Variants in TFIP11 observed in about 807,000 individuals in gnomAD.
The protein encoded by TFIP11 is tuftelin-interacting protein 11.
TFIP11 carries 86 observed loss-of-function variants against 96.8 expected under a neutral mutation model. The observed-to-expected ratio is 0.89, with a 90% CI of 0.75 to 1.06. The LOEUF is 1.06. Ranked by LOEUF, TFIP11 falls within the 50% of genes least tolerant of loss-of-function variation. The probability of loss-of-function intolerance (pLI) is 0.00; values close to 1 mark genes in which losing one functional copy is unlikely to be tolerated. For synonymous variants in TFIP11, 405 were observed against 395.2 expected (o/e 1.02, Z -0.29); for missense variants, 881 against 1,076.7 (o/e 0.82, Z 2.54).
rs528203336 is a variant in TFIP11, at chr22:26,506,936, C to A, written c.210-8G>T. 6.2e-7 allele frequency: 1 copy of A among 1,612,838 alleles called. No homozygotes were observed. Among genetic ancestry groups the A allele is most frequent in the Admixed American group, 1.7e-5 (1 of 59,784 alleles). The stretch of plus-strand genomic sequence containing the variant: ...GCAGAGTAGTCACGGGCCCTGTAGG[C>A]ACAGAAACAAAGCCCCACCAGGTCG... On this transcript the variant is annotated splice_region_variant and splice_polypyrimidine_tract_variant and intron_variant, in intron 4 of 14. Coordinates refer to ENST00000407690, the MANE Select transcript of TFIP11 (RefSeq NM_012143.4).
Position 26,494,211 on chromosome 22 carries a change from C to T in TFIP11, c.2086G>A (p.Ala696Thr), listed in dbSNP as rs1363504775. The T allele has an allele frequency of 1.2e-6, 2 of 1,614,192 alleles. No individual in the cohort carries two copies. Among genetic ancestry groups the T allele is most frequent in the Non-Finnish European group, 1.7e-6 (2 of 1,180,026 alleles). ...AATTTGTCCTTGACAGATGGATGTG[C>T]CAGCACTTGGTCTGAGAACATCGAC... is the stretch of plus-strand genomic sequence containing the variant. The part of the protein sequence containing the change: ...WKSMFSDQVL[A>T]HPSVKDKFNE... Residue 696 changes from alanine to threonine, a missense_variant, in exon 14 of 15, where the codon GCA becomes ACA. By Grantham distance (58) the Ala-to-Thr change is moderately conservative. Coordinates refer to ENST00000407690, the MANE Select transcript of TFIP11 (RefSeq NM_012143.4).
chr22:26,501,815 TAAAAGATCCAA>T lies in TFIP11; in HGVS notation c.801+74_801+84del, dbSNP rs535943043. On this transcript the variant is annotated intron_variant, in intron 8 of 14. Coordinates refer to ENST00000407690, the MANE Select transcript of TFIP11 (RefSeq NM_012143.4). ...AAAAAAAAAAAAAAAAAAGCCTAGC[TAAAAGATCCAA>T]AAAACCCTCGAACATGTTCAGTGAT... 7.8e-4 allele frequency: 407 copies of T among 524,410 alleles called. 2 individuals are homozygous for T. The highest frequency in any genetic ancestry group is 7.7e-3 in the African/African-American group (344 of 44,608). The allele number at this position is 524,410 out of a possible 1,614,324, so 32.5% of individuals were successfully genotyped here.
rs1478030305 is a variant in TFIP11 at position 26,502,114 on chromosome 22, T to C, written c.649-62A>G. 5.6e-6 allele frequency: 9 copies of C among 1,600,696 alleles called. No individual in the cohort carries two copies. The East Asian group carries it at 1.1e-4, about 20-fold the overall frequency. ...CAACCACTTTTTACCACAGGTGAGG[T>C]AGCTGAGACCATTAGCAGATGTCAC... On this transcript the variant is annotated intron_variant, in intron 7 of 14. Transcript: ENST00000407690.
intron 7 of TFIP11, among the ~76,000 whole-genome samples, chr22:26,503,119 G>C (rs970341908): frequency 6.6e-6 from 1 of 152,204 alleles, no homozygotes; most frequent in Non-Finnish European, 1.5e-5. Context: ...GCTGCCAGCA[G>C]ATGGCTCCCT....
In TFIP11 at chr22:26,491,301, G is replaced by A; in HGVS notation, c.*712C>T. 1.4e-6 allele frequency: 1 copy of A among 731,250 alleles called. No homozygotes were observed. Among genetic ancestry groups the A allele is most frequent in the Non-Finnish European group, 2.3e-6 (1 of 443,246 alleles). 45.3% of individuals were successfully genotyped at this position (731,250 alleles called of 1,614,324 possible). ...CAGTCCATGATATCCACTGTCCTTG[G>A]GGCGCCCAATTCATTGTGCAAAAGC... On this transcript the variant is annotated 3_prime_UTR_variant, in exon 15 of 15. Coordinates refer to ENST00000407690, the MANE Select transcript of TFIP11 (RefSeq NM_012143.4).
At position 26,498,862 on chromosome 22, in the gene TFIP11, G is replaced by A; in HGVS notation, c.1436+7C>T. The A allele has an allele frequency of 1.2e-6, 2 of 1,611,000 alleles. No individual in the cohort carries two copies. The highest frequency in any genetic ancestry group is 1.7e-6 in the Non-Finnish European group (2 of 1,177,364). The stretch of plus-strand genomic sequence containing the variant: ...GCTGGGGTACAGAGCCCTGCTCTGT[G>A]GTGTACCTGTGAAAGGCATCTGCTG... On this transcript the variant is annotated splice_region_variant and intron_variant, in intron 10 of 14. Coordinates refer to ENST00000407690, the MANE Select transcript of TFIP11 (RefSeq NM_012143.4).
At position 26,499,415 on chromosome 22, in the gene TFIP11, G is replaced by A. The variant is rs778796621; in HGVS notation, c.1018C>T (p.Arg340Trp). The change falls in exon 9 of 15, where the codon CGG becomes TGG. Residue 340 changes from arginine to tryptophan, a missense_variant. Coordinates refer to ENST00000407690, the MANE Select transcript of TFIP11 (RefSeq NM_012143.4). ...ATGTCCCGCTCATACTGTAGCTGCC[G>A]GTCATTCTGGATGATCTCCTGCTCC... Reference protein sequence around the residue: ...LTEQEIIQNDRQLQYERDMVV... With the variant: ...LTEQEIIQNDWQLQYERDMVV... The A allele has an allele frequency of 6.8e-6, 11 of 1,614,020 alleles. No homozygotes were observed. The highest frequency in any genetic ancestry group is 3.3e-5 in the South Asian group (3 of 91,080).
At chr22:26,503,399 C>A (rs1480401658) in intron 7 of TFIP11, among the ~76,000 whole-genome samples, 3 of 152,220 alleles carry the variant, frequency 2.0e-5, no homozygotes, top group Non-Finnish European at 2.9e-5. Flanking sequence ...TAGGTCAACA[C>A]CACCTCCCAA....
intron 5 of TFIP11, 41 bp downstream of exon 5, chr22:26,506,734 G>C (rs758457990): frequency 2.5e-6 from 4 of 1,609,038 alleles, no homozygotes; most frequent in Non-Finnish European, 3.4e-6. Flanking sequence ...AATGACCTTT[G>C]AAGGATATTC....
chr22:26,505,836 G>C (rs1268554855), intron 6 of TFIP11: 1 of 152,736 alleles, frequency 6.5e-6, no homozygotes, highest in Admixed American at 6.5e-5. Context: ...TCAGCCTCCT[G>C]AGTAGCTGGG....
chr22:26,495,552 GTATATATATACACATATATATA>G (rs139473343), intron 12 of TFIP11, among the ~76,000 whole-genome samples: 17 of 77,342 alleles, frequency 2.2e-4, no homozygotes, highest in South Asian at 6.0e-4. Context: ...ATATATATGT[GTATATATATACACATATATATA>G]TGTGTGTGTG....
Position 26,494,146 on chromosome 22 carries a change from G to A in TFIP11, c.2151C>T (p.Ser717=), listed in dbSNP as rs1046277241. ...ATGGGAATCCTCACTTACCAACGTT[G>A]GAGGACACCGCCCGGTTCATGATAT... ...ALDIMNRAVS[S]NVGAYMQPGA... The change falls in exon 14 of 15, where the codon TCC becomes TCT. Residue 717 remains serine, a synonymous_variant. Coordinates refer to ENST00000407690, the MANE Select transcript of TFIP11 (RefSeq NM_012143.4). 3.1e-6 allele frequency: 5 copies of A among 1,613,804 alleles called. No homozygotes were observed. The highest frequency in any genetic ancestry group is 1.7e-5 in the Admixed American group (1 of 59,986).
chr22:26,500,248 C>T (rs538317844), intron 8 of TFIP11, among the ~76,000 whole-genome samples: 1 of 152,302 alleles, frequency 6.6e-6, no homozygotes, highest in East Asian at 1.9e-4. Context: ...CAGCTCACTG[C>T]AAGCTCCGCC....
chr22:26,504,754 T>G (rs188651514), intron 6 of TFIP11, among the ~76,000 whole-genome samples: 1 of 152,142 alleles, frequency 6.6e-6, no homozygotes, highest in South Asian at 2.1e-4. Flanking sequence ...CCTAATGTTT[T>G]CAACACATAA....
rs79627426 is a variant in TFIP11 at position 26,510,872 on chromosome 22, T to C, written c.-95-170A>G. 2.0e-5 allele frequency among the ~76,000 whole-genome samples: 3 copies of C among 152,354 alleles called. No homozygotes were observed. The East Asian group carries it at 5.8e-4, about 29-fold the overall frequency. ...TGTCCAGAGATTGATATAGAGAATC[T>C]ACCTCACAGTAGCTGGGTGACCAGA... On this transcript the variant is annotated intron_variant, in intron 2 of 14. Coordinates refer to ENST00000407690, the MANE Select transcript of TFIP11 (RefSeq NM_012143.4).
chr22:26,494,480 G>A (rs1884807506), intron 13 of TFIP11, 176 bp from the exon 14 acceptor site: 1 of 800,488 alleles, frequency 1.2e-6, no homozygotes, highest in Non-Finnish European at 2.0e-6. Flanking sequence ...GAGTCAGCCT[G>A]GTAGCTAAAG....
At chr22:26,496,536 T>C (rs1013170966) in intron 11 of TFIP11, among the ~76,000 whole-genome samples, 185 bp downstream of exon 11, 4 of 152,096 alleles carry the variant, frequency 2.6e-5, no homozygotes, top group Non-Finnish European at 4.4e-5. Flanking sequence ...ATGAATTCCC[T>C]CCTGAGGGTG....
Position 26,510,473 on chromosome 22 carries a change from T to C in TFIP11, c.-10+144A>G, listed in dbSNP as rs554517588. ...AGATAACAATCAGTACTAAAACAGG[T>C]GAACAAAATACTACTCCTAACAGTC... On this transcript the variant is annotated intron_variant, in intron 3 of 14. Coordinates refer to ENST00000407690, the MANE Select transcript of TFIP11 (RefSeq NM_012143.4). 2.1e-4 allele frequency: 123 copies of C among 589,226 alleles called. No homozygotes were observed. In the East Asian group the frequency reaches 3.5e-3, roughly 17 times the overall value. 36.5% of individuals were successfully genotyped at this position (589,226 alleles called of 1,614,324 possible). A position where few individuals can be genotyped will look rare whatever the true frequency, so the allele number is the denominator to read the frequency against.
intron 12 of TFIP11, 59 bp downstream of exon 12, chr22:26,496,014 C>A (rs1921975959): frequency 3.2e-6 from 5 of 1,585,014 alleles, no homozygotes; most frequent in Non-Finnish European, 4.3e-6. Context: ...TCACTGCTAA[C>A]CACAGAAACC....
Sources: allele counts gnomAD v4.1 joint callset (sites outside exome capture counted in the v4.1 genomes callset), GRCh38; gene constraint gnomAD v4.1.1; transcripts MANE v1.5; gene names NCBI Gene and HGNC (gene_info 2026-07-23, HGNC 2026-07-21).